The following AGAP1 variants were observed in gnomAD, a reference collection of about 807,000 sequenced individuals.
AGAP1 encodes the protein ArfGAP with GTPase domain, ankyrin repeat and PH domain 1.
Under a neutral mutation model 105.3 loss-of-function variants are expected in AGAP1, and 29 were observed. The observed-to-expected ratio is 0.28, with a 90% CI of 0.21 to 0.38. AGAP1 has a LOEUF of 0.38. AGAP1 is among the 10% of genes least tolerant of loss of function. AGAP1 has a pLI of 1.00. For synonymous variants in AGAP1, 509 were observed against 485.9 expected, an observed-to-expected ratio of 1.05 and a Z score of -0.63; for missense variants, 998 against 1,165.1, an observed-to-expected ratio of 0.86 and a Z score of 2.09.
intron 10 of AGAP1, among the ~76,000 whole-genome samples, chr2:235,903,151 TTA>T (rs1239610803): frequency 6.6e-6 from 1 of 151,794 alleles, no homozygotes. Flanking sequence ...ATATAAAATA[TTA>T]TATTTCTCAA....
chr2:236,067,772 C>T (rs536187856), intron 16 of AGAP1, among the ~76,000 whole-genome samples: 3 of 152,258 alleles, frequency 2.0e-5, no homozygotes, highest in African/African-American at 7.2e-5. Flanking sequence ...GCCGTGTTCA[C>T]GTGAGGTGAG....
rs536625483 is a variant in AGAP1, at chr2:235,883,539, G to A, written c.1155+90G>A. 8 of 1,062,438 alleles carry A rather than the reference G, an allele frequency of 7.5e-6. No individual in the cohort carries two copies. In the East Asian group the frequency reaches 1.9e-4, roughly 25 times the overall value. The allele number at this position is 1,062,438 out of a possible 1,614,324, so 65.8% of individuals were successfully genotyped here. A position where few individuals can be genotyped will look rare whatever the true frequency, so the allele number is the denominator to read the frequency against. ...GAACCTACCAGCAGCCCAGCCTCTT[G>A]TCTCTGTTTGAAGTGAAAGTCGTAT... On this transcript the variant is annotated intron_variant, in intron 10 of 17. Transcript: ENST00000304032. The surrounding 1 kb of genome is among the most constrained non-coding windows in gnomAD (Gnocchi z 4.5).
intron 1 of AGAP1, among the ~76,000 whole-genome samples, chr2:235,590,548 C>A (rs1331698113): frequency 6.6e-6 from 1 of 151,966 alleles, no homozygotes; most frequent in African/African-American, 2.4e-5. Flanking sequence ...ACCAGCAATG[C>A]CTTTCACTGC....
At chr2:235,709,074 A>T in intron 1 of AGAP1, 105 bp from the exon 2 acceptor site, 1 of 1,137,486 alleles carries the variant, frequency 8.8e-7, no homozygotes, top group Non-Finnish European at 1.3e-6. Context: ...GCTTGTCTGC[A>T]CCATCTTCAG....
intron 1 of AGAP1, among the ~76,000 whole-genome samples, chr2:235,572,297 T>G: frequency 6.6e-6 from 1 of 151,994 alleles, no homozygotes; most frequent in African/African-American, 2.4e-5. Context: ...ACTTTCTAGA[T>G]GCACATAATT....
intron 16 of AGAP1, among the ~76,000 whole-genome samples, chr2:236,099,160 AGGGTGCTTGGGGCCAGGTGC>A (rs1312574973): frequency 6.6e-6 from 1 of 151,598 alleles, no homozygotes; most frequent in African/African-American, 2.4e-5. Context: ...GAATAAAAAT[AGGGTGCTTGGGGCCAGGTGC>A]GGTGGCTCAC....
At position 236,076,023 on chromosome 2, in the gene AGAP1, C is replaced by T. The variant is rs2058628468; in HGVS notation, c.2114+26742C>T. Among the ~76,000 whole-genome samples, 1 of 152,200 alleles carries T rather than the reference C, an allele frequency of 6.6e-6. No individual in the cohort carries two copies. The highest frequency in any genetic ancestry group is 2.1e-4 in the South Asian group (1 of 4,828). On this transcript the variant is annotated intron_variant, in intron 16 of 17. Transcript: ENST00000304032. The surrounding 1 kb of genome is among the most constrained non-coding windows in gnomAD (Gnocchi z 4.4). ...CCGCCCCCTCACATGGACCAGGGGT[C>T]TGGGGGCAGCTCTGCTCCTCACCAA...
chr2:235,722,132 A>T (rs1221675571), intron 3 of AGAP1, among the ~76,000 whole-genome samples: 1 of 152,180 alleles, frequency 6.6e-6, no homozygotes, highest in East Asian at 1.9e-4. Flanking sequence ...GTATAGACAG[A>T]TTCCTTAATT....
chr2:235,707,464 T>G (rs966787894), intron 1 of AGAP1, among the ~76,000 whole-genome samples: 13 of 23,440 alleles, frequency 5.5e-4, no homozygotes, highest in East Asian at 1.2e-3. Context: ...ACAGTTGCCC[T>G]CCCCATGACC....
chr2:235,673,475 G>A (rs1389617214), intron 1 of AGAP1, among the ~76,000 whole-genome samples: 1 of 152,168 alleles, frequency 6.6e-6, no homozygotes, highest in Non-Finnish European at 1.5e-5. Flanking sequence ...TATATAGAAC[G>A]CTGCTTGTGA....
chr2:235,826,809 C>T (rs1034722039), intron 9 of AGAP1, among the ~76,000 whole-genome samples: 2 of 152,152 alleles, frequency 1.3e-5, no homozygotes, highest in Non-Finnish European at 2.9e-5. Flanking sequence ...CACGAAGTTC[C>T]TGTGGAGGTG....
intron 5 of AGAP1, among the ~76,000 whole-genome samples, chr2:235,749,864 A>G (rs1463664101): frequency 2.0e-5 from 3 of 152,208 alleles, no homozygotes; most frequent in Admixed American, 6.5e-5. Flanking sequence ...GTCTGTTTCA[A>G]CAATTCACTG....
intron 13 of AGAP1, among the ~76,000 whole-genome samples, chr2:236,011,706 G>A (rs2056517958): frequency 6.6e-6 from 1 of 152,164 alleles, no homozygotes; most frequent in South Asian, 2.1e-4. Context: ...CTGTATTCCT[G>A]AAAGTAGAAC....
Position 236,040,674 on chromosome 2 carries a change from T to A in AGAP1, c.1801-77T>A. On this transcript the variant is annotated intron_variant, in intron 14 of 17. Transcript: ENST00000304032. The surrounding 1 kb of genome is among the most constrained non-coding windows in gnomAD (Gnocchi z 5.6). ...ACATTTGCTCCCAATCTGTTTGATC[T>A]TTCCCTGATGTTATCAGTGATGTGC... The A allele has an allele frequency of 7.1e-7, 1 of 1,401,236 alleles. No homozygotes were observed. The highest frequency in any genetic ancestry group is 1.0e-6 in the Non-Finnish European group (1 of 998,398). 86.8% of individuals were successfully genotyped at this position (1,401,236 alleles called of 1,614,324 possible).
chr2:235,672,577 T>G (rs2149366142), intron 1 of AGAP1, among the ~76,000 whole-genome samples: 1 of 152,360 alleles, frequency 6.6e-6, no homozygotes, highest in South Asian at 2.1e-4. Context: ...GTTAAAAGAA[T>G]TGGTTTGCAC....
At chr2:235,670,683 T>A in intron 1 of AGAP1, 1 of 695,178 alleles carries the variant, frequency 1.4e-6, no homozygotes, top group Non-Finnish European at 2.5e-6. Flanking sequence ...GGGACCACCC[T>A]GGAGCCCGCG....
intron 1 of AGAP1, among the ~76,000 whole-genome samples, chr2:235,687,767 G>C (rs1343204884): frequency 6.6e-6 from 1 of 152,096 alleles, no homozygotes; most frequent in East Asian, 1.9e-4. Context: ...CTGTGATGAG[G>C]AAGGTCAGAT....
intron 1 of AGAP1, among the ~76,000 whole-genome samples, chr2:235,539,422 C>G (rs972003999): frequency 2.0e-5 from 3 of 152,192 alleles, no homozygotes; most frequent in African/African-American, 7.2e-5. Flanking sequence ...CTCATCCCTG[C>G]CTAGCGCTGC....
chr2:235,670,268 C>T (rs1285932832), intron 1 of AGAP1: 5 of 451,016 alleles, frequency 1.1e-5, no homozygotes, highest in Non-Finnish European at 1.9e-5. Flanking sequence ...GGTTCGGCGG[C>T]CCCGGCCCGC....
Sources: allele counts gnomAD v4.1 joint callset (sites outside exome capture counted in the v4.1 genomes callset), GRCh38; gene constraint gnomAD v4.1.1; non-coding constraint Gnocchi (gnomAD v3.1); transcripts MANE v1.5; gene names NCBI Gene and HGNC (gene_info 2026-07-23, HGNC 2026-07-21).